DPF3: variants seen among roughly 807,000 people sequenced by gnomAD.
DPF3 encodes the protein zinc finger protein DPF3.
DPF3 carries 18 observed loss-of-function variants against 56.8 expected under a neutral mutation model. The ratio of observed to expected loss-of-function variants is 0.32; its 90% CI spans 0.22 to 0.47. DPF3 has a LOEUF of 0.47. Among genes scored for constraint, DPF3 ranks in the 20% least tolerant of loss-of-function variants. DPF3 has a pLI of 1.00. For missense variants in DPF3, 403 were observed against 488.8 expected (o/e 0.82, Z 1.65); for synonymous variants, 188 against 180.2 (o/e 1.04, Z -0.35).
chr14:72,891,064 C>T (rs1363931720), intron 1 of DPF3, among the ~76,000 whole-genome samples: 1 of 152,160 alleles, frequency 6.6e-6, no homozygotes, highest in African/African-American at 2.4e-5. Context: ...CTAAGGAAAA[C>T]CCCAAAGCAA....
At chr14:72,641,779 C>T (rs892314736) in intron 8 of DPF3, among the ~76,000 whole-genome samples, 1 of 152,360 alleles carries the variant, frequency 6.6e-6, no homozygotes, top group East Asian at 1.9e-4. Context: ...TTCCCCTCTT[C>T]TTGAATGTAG....
At chr14:72,711,850 G>A (rs999926391) in intron 6 of DPF3, among the ~76,000 whole-genome samples, 5 of 152,038 alleles carry the variant, frequency 3.3e-5, no homozygotes, top group African/African-American at 4.8e-5. Context: ...AGGGACGCTC[G>A]AGGAGGTGGC....
intron 1 of DPF3, among the ~76,000 whole-genome samples, chr14:72,786,392 C>T (rs1892210756): frequency 6.6e-6 from 1 of 152,206 alleles, no homozygotes; most frequent in Non-Finnish European, 1.5e-5. Context: ...TCGTTTATGG[C>T]AAGGGTCAAC....
chr14:72,881,920 G>C (rs542099487), intron 1 of DPF3, among the ~76,000 whole-genome samples: 1 of 151,834 alleles, frequency 6.6e-6, no homozygotes, highest in East Asian at 1.9e-4. Flanking sequence ...TCTTTGGAGA[G>C]GGAGAAAATG....
intron 3 of DPF3, among the ~76,000 whole-genome samples, chr14:72,748,915 G>A (rs377340987): frequency 1.6e-4 from 25 of 152,356 alleles, no homozygotes; most frequent in African/African-American, 5.3e-4. Flanking sequence ...GAAGTTTTCT[G>A]TAGGGGTGAG....
chr14:72,705,295 T>A (rs768530549), intron 6 of DPF3, among the ~76,000 whole-genome samples: 5 of 151,904 alleles, frequency 3.3e-5, no homozygotes, highest in African/African-American at 7.3e-5. Context: ...CTTATGAGAA[T>A]CTAATGCCTG....
intron 2 of DPF3, among the ~76,000 whole-genome samples, chr14:72,769,038 G>A (rs958643353): frequency 2.0e-5 from 3 of 151,518 alleles, no homozygotes; most frequent in Admixed American, 6.6e-5. Flanking sequence ...GGAGAAAGGA[G>A]ATACAGAATT....
chr14:72,673,345 C>T (rs1479783759), intron 8 of DPF3, among the ~76,000 whole-genome samples: 1 of 152,164 alleles, frequency 6.6e-6, no homozygotes, highest in Non-Finnish European at 1.5e-5. Context: ...TCCAACCAAA[C>T]TGTTTCACCT....
chr14:72,777,223 A>T (rs1599431980), intron 1 of DPF3, among the ~76,000 whole-genome samples: 1 of 150,540 alleles, frequency 6.6e-6, no homozygotes, highest in East Asian at 2.0e-4. Context: ...GCCCACAAAC[A>T]CACACGAAAG....
At position 72,690,160 on chromosome 14, in the gene DPF3, G is replaced by A. The variant is rs149163061; in HGVS notation, c.742+2916C>T. The stretch of plus-strand genomic sequence containing the variant: ...GAGAACAAGCCACCCATGAAATTTC[G>A]TAGGCAGACGTCTCCACATCTCCAC... On this transcript the variant is annotated intron_variant, in intron 7 of 10. Transcript: ENST00000556509. 4.6e-5 allele frequency among the ~76,000 whole-genome samples: 7 copies of A among 152,258 alleles called. 1 individual carries two copies. The highest frequency in any genetic ancestry group is 2.1e-4 in the South Asian group (1 of 4,812).
chr14:72,808,955 C>T (rs765107252), intron 1 of DPF3, among the ~76,000 whole-genome samples: 6 of 152,236 alleles, frequency 3.9e-5, no homozygotes, highest in Non-Finnish European at 7.3e-5. Flanking sequence ...CCTCTGTTTG[C>T]TCATCTGGCC....
intron 8 of DPF3, among the ~76,000 whole-genome samples, chr14:72,653,583 C>T (rs994892479): frequency 6.6e-5 from 10 of 152,218 alleles, no homozygotes; most frequent in African/African-American, 2.2e-4. Context: ...CTCTTTTCCT[C>T]GCATCACATT....
rs534662221 is a variant in DPF3, at chr14:72,773,621, G to A, written c.33-1728C>T. 1.3e-3 allele frequency among the ~76,000 whole-genome samples: 204 copies of A among 152,112 alleles called. 1 individual carries two copies. Among genetic ancestry groups the A allele is most frequent in the African/African-American group, 4.6e-3 (190 of 41,492 alleles). On this transcript the variant is annotated intron_variant, in intron 1 of 10. Coordinates refer to ENST00000556509, the MANE Select transcript of DPF3 (RefSeq NM_001280542.3). ...TATACCCATTAAACAATAACTCCCC[G>A]TTCCGCCTCTGCCCCCATCTCCAGC...
chr14:72,753,334 G>A lies in DPF3; in HGVS notation c.231C>T (p.Arg77=), dbSNP rs1244244092. 1 of 1,613,426 alleles carries A rather than the reference G, an allele frequency of 6.2e-7. No homozygotes were observed. Among genetic ancestry groups the A allele is most frequent in the Admixed American group, 1.7e-5 (1 of 60,024 alleles). ...GCAATCGTCTCTTCTTGCGCCAGCA[G>A]CGGGCAGGGTATGTATACAGCTGGC... ...APGQLYTYPA[R]CWRKKRRLHP... Residue 77 remains arginine, a synonymous_variant, in exon 3 of 11, where the codon CGC becomes CGT. Transcript: ENST00000556509.
chr14:72,869,766 A>G lies in DPF3; in HGVS notation c.32+24291T>C, dbSNP rs573729529. 8.5e-4 allele frequency among the ~76,000 whole-genome samples: 130 copies of G among 152,282 alleles called. 1 individual carries two copies. Among genetic ancestry groups the G allele is most frequent in the African/African-American group, 3.1e-3 (127 of 41,568 alleles). On this transcript the variant is annotated intron_variant, in intron 1 of 10. Transcript: ENST00000556509. The stretch of plus-strand genomic sequence containing the variant: ...TGAAAATGTAGCTTAGTCCCTCACT[A>G]TCAGGACTCAGAGAGAGAGGTGGGG...
chr14:72,884,826 G>C (rs1312963234), intron 1 of DPF3, among the ~76,000 whole-genome samples: 1 of 149,618 alleles, frequency 6.7e-6, no homozygotes, highest in African/African-American at 2.5e-5. Context: ...GCTGGGCACG[G>C]TGGCTCACGC....
chr14:72,662,320 T>A lies in DPF3; in HGVS notation c.871+11920A>T, dbSNP rs573315492. 59 of 984,960 alleles carry A rather than the reference T, an allele frequency of 6.0e-5. 1 individual carries two copies. The South Asian group carries it at 2.4e-3, about 41-fold the overall frequency. 61.0% of individuals were successfully genotyped at this position (984,960 alleles called of 1,614,324 possible). ...TCTTTAGAGTTAATATGCAGTCTTT[T>A]ATTTTACATTAAGTACTCTTATGAT... On this transcript the variant is annotated intron_variant, in intron 8 of 10. Transcript: ENST00000556509.
intron 8 of DPF3, among the ~76,000 whole-genome samples, chr14:72,636,538 GAGA>G (rs912378678): frequency 2.0e-5 from 3 of 152,132 alleles, no homozygotes; most frequent in African/African-American, 7.2e-5. Context: ...GGCAGGTGGA[GAGA>G]AGGAGGCTCA....
chr14:72,691,775 A>G (rs1887696855), intron 7 of DPF3, among the ~76,000 whole-genome samples: 1 of 152,006 alleles, frequency 6.6e-6, no homozygotes, highest in Non-Finnish European at 1.5e-5. Context: ...AGCAGATGCC[A>G]CAGCACGCAT....
Sources: allele counts gnomAD v4.1 joint callset (sites outside exome capture counted in the v4.1 genomes callset), GRCh38; gene constraint gnomAD v4.1.1; transcripts MANE v1.5; gene names NCBI Gene and HGNC (gene_info 2026-07-23, HGNC 2026-07-21).